Variants in TP63 observed in about 807,000 individuals in gnomAD.
TP63 encodes tumor protein 63.
Under a neutral mutation model 82.8 loss-of-function variants are expected in TP63, and 17 were observed. The observed-to-expected ratio is 0.21, with a 90% confidence interval of 0.14 to 0.31. TP63 has a LOEUF of 0.31. Ranked by LOEUF, TP63 falls within the 10% of genes least tolerant of loss-of-function variation. The pLI is 1.00. For synonymous variants in TP63, 330 were observed against 321.7 expected (o/e 1.03, Z -0.28); for missense variants, 648 against 895.3 (o/e 0.72, Z 3.52).
rs566044471 is a variant in TP63, at chr3:189,851,893, A to C, written c.580-12339A>C. Among the ~76,000 whole-genome samples, 4 of 152,268 alleles carry C rather than the reference A, an allele frequency of 2.6e-5. No individual in the cohort carries two copies. In the East Asian group the frequency reaches 7.7e-4, roughly 29 times the overall value. On this transcript the variant is annotated intron_variant, in intron 4 of 13. Coordinates refer to ENST00000264731, the MANE Select transcript of TP63 (RefSeq NM_003722.5). ...CTCCAGGAGAGATTTGTCTTGGAGC[A>C]CACAGTTAGAACTTACCCTGCAGGG...
intron 1 of TP63, among the ~76,000 whole-genome samples, chr3:189,669,539 A>T (rs1404194331): frequency 6.6e-6 from 1 of 152,070 alleles, no homozygotes; most frequent in African/African-American, 2.4e-5. Context: ...TGAAGTAAAA[A>T]TAATCACACT....
At chr3:189,659,518 T>C (rs1359684856) in intron 1 of TP63, among the ~76,000 whole-genome samples, 1 of 152,076 alleles carries the variant, frequency 6.6e-6, no homozygotes, top group African/African-American at 2.4e-5. Flanking sequence ...TGAAGAATGC[T>C]GAGAGGCACA....
chr3:189,695,769 C>A (rs995829330), intron 1 of TP63, among the ~76,000 whole-genome samples: 4 of 152,174 alleles, frequency 2.6e-5, no homozygotes, highest in African/African-American at 9.7e-5. Flanking sequence ...CATCCATTTA[C>A]TTAATTGTTT....
chr3:189,656,121 C>G (rs187914232), intron 1 of TP63, among the ~76,000 whole-genome samples: 1 of 151,938 alleles, frequency 6.6e-6, no homozygotes, highest in Non-Finnish European at 1.5e-5. Context: ...CTTAATTGGC[C>G]TGAAAGAAAA....
chr3:189,878,873 T>C (rs2889923), intron 10 of TP63, among the ~76,000 whole-genome samples: 102,770 of 103,958 alleles, frequency 0.99, 50,922 homozygotes, highest in East Asian at 1. Context: ...GTGATCCCCC[T>C]GACCTTGGCC....
intron 4 of TP63, among the ~76,000 whole-genome samples, chr3:189,815,201 G>T (rs1560212701): frequency 6.6e-6 from 1 of 150,598 alleles, no homozygotes; most frequent in Non-Finnish European, 1.5e-5. Flanking sequence ...TTTTACTATA[G>T]CTTCACTCTT....
intron 12 of TP63, among the ~76,000 whole-genome samples, chr3:189,890,531 T>A (rs1720908695): frequency 6.6e-6 from 1 of 152,176 alleles, no homozygotes; most frequent in South Asian, 2.1e-4. Flanking sequence ...AACCCTAGAA[T>A]TCCACAGATC....
At chr3:189,819,744 T>C (rs1181239379) in intron 4 of TP63, among the ~76,000 whole-genome samples, 3 of 134,396 alleles carry the variant, frequency 2.2e-5, no homozygotes, top group Non-Finnish European at 4.7e-5. Flanking sequence ...GATTATATTT[T>C]ACCTTTTTTT....
At chr3:189,840,381 T>TTTTTTTTTTTTTTTTTTTTG (rs1713880308) in intron 4 of TP63, among the ~76,000 whole-genome samples, 1 of 139,366 alleles carries the variant, frequency 7.2e-6, no homozygotes, top group African/African-American at 2.7e-5. Context: ...TTTTTTTTTT[T>TTTTTTTTTTTTTTTTTTTTG]TTTTTTACAA....
intron 3 of TP63, among the ~76,000 whole-genome samples, chr3:189,799,016 C>T (rs1726010117): frequency 6.6e-6 from 1 of 151,936 alleles, no homozygotes; most frequent in Non-Finnish European, 1.5e-5. Flanking sequence ...CAAACAAAAG[C>T]AAATTAGAAC....
At chr3:189,681,290 A>C (rs942209772) in intron 1 of TP63, among the ~76,000 whole-genome samples, 20 of 152,134 alleles carry the variant, frequency 1.3e-4, no homozygotes, top group African/African-American at 4.8e-5. Flanking sequence ...ATAGTCACCC[A>C]AATTGTAAGT....
At chr3:189,829,478 A>G (rs773143356) in intron 4 of TP63, among the ~76,000 whole-genome samples, 19 of 152,194 alleles carry the variant, frequency 1.2e-4, no homozygotes, top group Non-Finnish European at 1.8e-4. Context: ...TAGGGGAGGA[A>G]GTGGAAGAGC....
chr3:189,857,685 C>T (rs900265462), intron 4 of TP63, among the ~76,000 whole-genome samples: 4 of 151,892 alleles, frequency 2.6e-5, no homozygotes, highest in African/African-American at 9.7e-5. Flanking sequence ...CCAAAATAAC[C>T]CAATTAAAAA....
chr3:189,863,022 AACATTTT>A (rs1717229102), intron 4 of TP63, among the ~76,000 whole-genome samples: 1 of 152,242 alleles, frequency 6.6e-6, no homozygotes, highest in African/African-American at 2.4e-5. Flanking sequence ...GAAATAAAGC[AACATTTT>A]AAATGTGTGA....
At chr3:189,765,453 TTGA>T (rs1722884757) in intron 3 of TP63, among the ~76,000 whole-genome samples, 1 of 133,580 alleles carries the variant, frequency 7.5e-6, no homozygotes, top group Admixed American at 8.0e-5. Flanking sequence ...TTTTTTTTTT[TTGA>T]GACAGAGTCT....
chr3:189,816,520 G>A (rs991927189), intron 4 of TP63, among the ~76,000 whole-genome samples: 1 of 152,090 alleles, frequency 6.6e-6, no homozygotes, highest in East Asian at 1.9e-4. Context: ...GTCATATCGC[G>A]AGTAAAACCA....
chr3:189,850,977 TAC>T (rs1226521044), intron 4 of TP63, among the ~76,000 whole-genome samples: 1 of 152,252 alleles, frequency 6.6e-6, no homozygotes, highest in African/African-American at 2.4e-5. Context: ...CAGGTTGAGA[TAC>T]AGTTTTCACA....
At chr3:189,773,698 G>A (rs888208987) in intron 3 of TP63, among the ~76,000 whole-genome samples, 2 of 151,836 alleles carry the variant, frequency 1.3e-5, no homozygotes, top group African/African-American at 4.8e-5. Context: ...TACAAATATT[G>A]TTTAATCATC....
chr3:189,686,834 G>A (rs953682221), intron 1 of TP63, among the ~76,000 whole-genome samples: 8 of 150,890 alleles, frequency 5.3e-5, no homozygotes, highest in African/African-American at 7.3e-5. Context: ...AGGTTCAAGC[G>A]ATTCTCCTGC....
Sources: gnomAD v4.1 joint callset for allele counts (sites outside exome capture counted in the v4.1 genomes callset) on GRCh38, gnomAD v4.1.1 for gene constraint, MANE v1.5 for transcripts, NCBI Gene and HGNC (gene_info 2026-07-23, HGNC 2026-07-21) for gene names.